Variants in PDE8B observed in about 807,000 individuals in gnomAD.
PDE8B encodes phosphodiesterase 8B, also known as high affinity cAMP-specific and IBMX-insensitive 3',5'-cyclic phosphodiesterase 8B.
A neutral mutation model predicts 101.3 loss-of-function variants in PDE8B; 26 were observed. The ratio of observed to expected loss-of-function variants is 0.26; its 90% confidence interval spans 0.19 to 0.36. The LOEUF (loss-of-function observed/expected upper bound fraction) is 0.36, where lower values mean the gene tolerates loss of function less well. Among genes scored for constraint, PDE8B ranks in the 10% least tolerant of loss-of-function variants. The probability of loss-of-function intolerance (pLI) is 1.00; values close to 1 mark genes in which losing one functional copy is unlikely to be tolerated. For synonymous variants in PDE8B, 424 were observed against 429.3 expected (o/e 0.99, Z 0.15); for missense variants, 810 against 1,163.1 (o/e 0.70, Z 4.42).
At chr5:77,331,281 C>T (rs1777069408) in intron 4 of PDE8B, 121 bp from the exon 5 acceptor site, 2 of 862,720 alleles carry the variant, frequency 2.3e-6, no homozygotes, top group Non-Finnish European at 2.0e-6. Context: ...TGGGCACGTG[C>T]TCGTCAGGAA....
At chr5:77,257,776 T>A (rs1759498053) in intron 1 of PDE8B, among the ~76,000 whole-genome samples, 1 of 152,132 alleles carries the variant, frequency 6.6e-6, no homozygotes, top group East Asian at 1.9e-4. Context: ...CCCCTAGTTA[T>A]TAAGCCCGGC....
rs1798471136 is a variant in PDE8B, at chr5:77,428,132, A to G, written c.*1578A>G. 6.6e-6 allele frequency: 1 copy of G among 152,218 alleles called. No individual in the cohort carries two copies. The highest frequency in any genetic ancestry group is 2.1e-4 in the South Asian group (1 of 4,834). 9.4% of individuals were successfully genotyped at this position (152,218 alleles called of 1,614,324 possible). A position where few individuals can be genotyped will look rare whatever the true frequency, so the allele number is the denominator to read the frequency against. On this transcript the variant is annotated 3_prime_UTR_variant, in exon 22 of 22. Coordinates refer to ENST00000264917, the MANE Select transcript of PDE8B (RefSeq NM_003719.5). ...GCAGCCAGCTTTGTATTGTAATGCT[A>G]TATTATGTAAATGTGATGAAAATGT...
At chr5:77,216,869 G>C (rs373146606) in intron 1 of PDE8B, among the ~76,000 whole-genome samples, 61 of 152,296 alleles carry the variant, frequency 4.0e-4, no homozygotes, top group African/African-American at 1.4e-3. Flanking sequence ...AGTGGGTCTG[G>C]AGGGGCAAAT....
At chr5:77,290,268 A>C (rs1221224894) in intron 1 of PDE8B, 13 of 1,559,388 alleles carry the variant, frequency 8.3e-6, no homozygotes, top group Non-Finnish European at 1.0e-5. Flanking sequence ...TGCTGCCTTC[A>C]TGTCCACTCT....
chr5:77,107,378 C>G, the PDE8B span, among the ~76,000 whole-genome samples: 1 of 152,116 alleles, frequency 6.6e-6, no homozygotes, highest in African/African-American at 2.4e-5. Context: ...ATCGTATGAC[C>G]TTGCTAAATT....
chr5:77,300,544 C>A (rs528074839), intron 1 of PDE8B, among the ~76,000 whole-genome samples: 1 of 152,282 alleles, frequency 6.6e-6, no homozygotes, highest in Non-Finnish European at 1.5e-5. Flanking sequence ...GCGGTGCTTA[C>A]CTCTCTAAAT....
chr5:77,283,221 A>T (rs1462338929), intron 1 of PDE8B, among the ~76,000 whole-genome samples: 1 of 152,132 alleles, frequency 6.6e-6, no homozygotes, highest in African/African-American at 2.4e-5. Context: ...TAGAGTTCTC[A>T]TATATTCGAA....
chr5:77,386,626 T>A (rs1197769330), intron 10 of PDE8B, among the ~76,000 whole-genome samples: 1 of 152,150 alleles, frequency 6.6e-6, no homozygotes, highest in African/African-American at 2.4e-5. Context: ...TTCCATTTGC[T>A]TGGTAAATAT....
chr5:77,320,982 G>A (rs1010267679), intron 2 of PDE8B, among the ~76,000 whole-genome samples: 1 of 151,694 alleles, frequency 6.6e-6, no homozygotes, highest in East Asian at 1.9e-4. Flanking sequence ...TACCAAAAAA[G>A]TACATAAGTA....
At chr5:77,393,276 C>A (rs546919316) in intron 10 of PDE8B, among the ~76,000 whole-genome samples, 165 of 152,186 alleles carry the variant, frequency 1.1e-3, no homozygotes, top group African/African-American at 3.6e-3. Context: ...TGCCTGTAAT[C>A]CCAGCTACTC....
At chr5:77,384,096 T>G (rs896576403) in intron 10 of PDE8B, among the ~76,000 whole-genome samples, 1 of 152,226 alleles carries the variant, frequency 6.6e-6, no homozygotes, top group East Asian at 1.9e-4. Context: ...TTTCATGATA[T>G]TGATTCTTCC....
In PDE8B at chr5:77,349,479, G is replaced by T. The variant is rs1780705872; in HGVS notation, c.937G>T (p.Glu313Ter). Residue 313 changes from glutamate (E) to a stop codon, truncating the protein, a stop_gained, in exon 8 of 22, where the codon GAA (glutamate) becomes TAA (stop). Coordinates refer to ENST00000264917, the MANE Select transcript of PDE8B (RefSeq NM_003719.5). LOFTEE classifies it high-confidence loss of function. ...CCACAAAGGTGAGCTCCTGGGAAAAGAACTCGCTGATCTGCCCAAAAGCGA... is the reference window on the plus strand; with the variant it reads ...CCACAAAGGTGAGCTCCTGGGAAAATAACTCGCTGATCTGCCCAAAAGCGA... ...GYHKGELLGK[E>*]LADLPKSDKN... 1.2e-6 allele frequency: 2 copies of T among 1,614,010 alleles called. No individual in the cohort carries two copies. The highest frequency in any genetic ancestry group is 1.3e-5 in the African/African-American group (1 of 74,892).
intron 1 of PDE8B, among the ~76,000 whole-genome samples, chr5:77,262,642 A>C (rs1580659290): frequency 1.3e-5 from 2 of 152,126 alleles, no homozygotes; most frequent in African/African-American, 4.8e-5. Context: ...TGGCACCTTG[A>C]TTATCTTTCT....
chr5:77,378,806 G>A (rs1786874215), intron 10 of PDE8B, among the ~76,000 whole-genome samples: 1 of 152,160 alleles, frequency 6.6e-6, no homozygotes, highest in African/African-American at 2.4e-5. Context: ...GCAACTCTGG[G>A]GATGGGGCCT....
the PDE8B span, among the ~76,000 whole-genome samples, chr5:77,153,105 A>C: frequency 6.6e-6 from 1 of 152,142 alleles, no homozygotes; most frequent in African/African-American, 2.4e-5. Context: ...GAGGCCAGGG[A>C]TGCTGCTGAG....
At chr5:77,130,417 G>A in the PDE8B span, among the ~76,000 whole-genome samples, 2 of 151,970 alleles carry the variant, frequency 1.3e-5, no homozygotes, top group Non-Finnish European at 2.9e-5. Flanking sequence ...CATCTCTCAG[G>A]AATATACTTC....
At chr5:77,180,297 C>G in the PDE8B span, among the ~76,000 whole-genome samples, 2 of 152,308 alleles carry the variant, frequency 1.3e-5, no homozygotes, top group Admixed American at 6.5e-5. Context: ...GGCTCAGGCT[C>G]GCTGCCAGAG....
chr5:77,419,664 C>T, intron 18 of PDE8B, 103 bp from the exon 19 acceptor site: 2 of 1,370,180 alleles, frequency 1.5e-6, no homozygotes, highest in East Asian at 4.6e-5. Context: ...ACTCTGTGCC[C>T]CAGCTTCCTC....
the PDE8B span, among the ~76,000 whole-genome samples, chr5:77,130,602 A>G: frequency 6.6e-6 from 1 of 152,218 alleles, no homozygotes; most frequent in Non-Finnish European, 1.5e-5. Flanking sequence ...CAAAATTCTT[A>G]ATTTTTTGGA....
Sources: allele counts gnomAD v4.1 joint callset (sites outside exome capture counted in the v4.1 genomes callset), GRCh38; gene constraint gnomAD v4.1.1; transcripts MANE v1.5; gene names NCBI Gene and HGNC (gene_info 2026-07-23, HGNC 2026-07-21).